ASPDH: variants seen among roughly 807,000 people sequenced by gnomAD.
ASPDH encodes aspartate dehydrogenase domain-containing protein.
ASPDH carries 25 observed loss-of-function variants against 30.5 expected under a neutral mutation model. The observed-to-expected ratio is 0.82, with a 90% confidence interval of 0.60 to 1.14. The LOEUF (loss-of-function observed/expected upper bound fraction) is 1.14. ASPDH is among the 50% of genes most tolerant of loss of function. The probability of loss-of-function intolerance (pLI) is 0.00; values close to 1 mark genes in which losing one functional copy is unlikely to be tolerated. For missense variants in ASPDH, 401 were observed against 381.5 expected (o/e 1.05, Z -0.43); for synonymous variants, 168 against 156.3 (o/e 1.07, Z -0.56).
Position 50,511,631 on chromosome 19 carries a change from G to T in ASPDH, c.*99C>A. On this transcript the variant is annotated 3_prime_UTR_variant, in exon 7 of 7. Coordinates refer to ENST00000389208, the MANE Select transcript of ASPDH (RefSeq NM_001114598.2). ...GGGAGGCAGCGGTGATCTTTACTGA[G>T]TCAGAAGGGAGACCCTGGGGAAGTG... 1.5e-6 allele frequency: 1 copy of T among 688,912 alleles called. No homozygotes were observed. The highest frequency in any genetic ancestry group is 2.2e-6 in the Non-Finnish European group (1 of 464,294). The allele number at this position is 688,912 out of a possible 1,614,324, so 42.7% of individuals were successfully genotyped here. A position where few individuals can be genotyped will look rare whatever the true frequency, so the allele number is the denominator to read the frequency against.
At chr19:50,513,967 G>A, upstream of ASPDH, 2 of 1,057,796 alleles carry the variant, frequency 1.9e-6, no homozygotes, top group East Asian at 2.7e-5. The surrounding 1 kb of genome is among the most constrained non-coding windows in gnomAD (Gnocchi z 4.9). Context: ...CCCAGCGTGG[G>A]GGCGTGGGCC....
Position 50,513,517 on chromosome 19 carries a change from G to A in ASPDH, c.53-101C>T, listed in dbSNP as rs533469897. The stretch of plus-strand genomic sequence containing the variant: ...CAGAGACCCAGAGAGAGAGGAGGTG[G>A]GGACAGACTCAGATTGCGGGGTAGG... On this transcript the variant is annotated intron_variant, in intron 1 of 6. Transcript: ENST00000389208. The surrounding 1 kb of genome is among the most constrained non-coding windows in gnomAD (Gnocchi z 4.9). 1.6e-6 allele frequency: 2 copies of A among 1,264,564 alleles called. No homozygotes were observed. Among genetic ancestry groups the A allele is most frequent in the Non-Finnish European group, 2.1e-6 (2 of 934,190 alleles). 78.3% of individuals were successfully genotyped at this position (1,264,564 alleles called of 1,614,324 possible). A position where few individuals can be genotyped will look rare whatever the true frequency, so the allele number is the denominator to read the frequency against.
At position 50,512,426 on chromosome 19, in the gene ASPDH, G is replaced by A. The variant is rs1979990756; in HGVS notation, c.587C>T (p.Ala196Val). 2 of 1,612,214 alleles carry A rather than the reference G, an allele frequency of 1.2e-6. No individual in the cohort carries two copies. Among genetic ancestry groups the A allele is most frequent in the South Asian group, 1.1e-5 (1 of 90,948 alleles). The stretch of plus-strand genomic sequence containing the variant: ...CAGGCTGGGGGCAGCCAGGGCAGCC[G>A]CCGCCATGGTGTTGGAATTTCGCGG... ...FAPRNSNTMA[A>V]AALAAPSLGF... is the part of the protein sequence containing the mutation. The change falls in exon 5 of 7, where the codon GCG becomes GTG. Residue 196 changes from alanine to valine, a missense_variant. By Grantham distance (64) the Ala-to-Val change is moderately conservative. Transcript: ENST00000389208.
rs748818731 is a variant in ASPDH at position 50,512,148 on chromosome 19, G to A, written c.796C>T (p.Gln266Ter). 3 of 1,564,068 alleles carry A rather than the reference G, an allele frequency of 1.9e-6. No homozygotes were observed. The highest frequency in any genetic ancestry group is 1.9e-4 in the Middle Eastern group (1 of 5,216). The change falls in exon 6 of 7, where the codon CAG becomes TAG. Residue 266 changes from glutamine to a stop codon, truncating the protein, a stop_gained. Coordinates refer to ENST00000389208, the MANE Select transcript of ASPDH (RefSeq NM_001114598.2). LOFTEE classifies it high-confidence loss of function. Reference sequence around the variant, plus strand: ...GGCCTGGCCGCACCCAGGAGGCTCTGCCAGAAGGCCGTGACGGTGGCGGAG... The same window carrying A: ...GGCCTGGCCGCACCCAGGAGGCTCTACCAGAAGGCCGTGACGGTGGCGGAG... ...TGSATVTAFW[Q>*]SLLACCQLPS...
rs566248729 is a variant in ASPDH at position 50,512,757 on chromosome 19, C to T, written c.336G>A (p.Glu112=). ...SDQTTERQLL[E]ASQHWDHAVF... is the part of the protein sequence containing the mutation. ...CGGCGTGGTCCCAGTGCTGTGAGGC[C>T]TCCAAGAGCTGCCGCTCTGTGGTCT... is the stretch of plus-strand genomic sequence containing the variant. The change falls in exon 4 of 7, where the codon GAG becomes GAA. Residue 112 remains glutamate (E), a synonymous_variant. Coordinates refer to ENST00000389208, the MANE Select transcript of ASPDH (RefSeq NM_001114598.2). The T allele has an allele frequency of 6.4e-6, 10 of 1,562,638 alleles. No individual in the cohort carries two copies. The highest frequency in any genetic ancestry group is 2.7e-5 in the African/African-American group (2 of 73,872).
At chr19:50,514,826 G>A (rs1980164458), upstream of ASPDH, 8 of 1,287,010 alleles carry the variant, frequency 6.2e-6, no homozygotes, top group Non-Finnish European at 7.9e-6. Flanking sequence ...GGCACTGGGT[G>A]GCGAGAGCCC....
chr19:50,512,650 G>A lies in ASPDH; in HGVS notation c.432+11C>T. 1 of 1,531,626 alleles carries A rather than the reference G, an allele frequency of 6.5e-7. No homozygotes were observed. Among genetic ancestry groups the A allele is most frequent in the African/African-American group, 1.4e-5 (1 of 72,880 alleles). The allele number at this position is 1,531,626 out of a possible 1,614,324, so 94.9% of individuals were successfully genotyped here. The stretch of plus-strand genomic sequence containing the variant: ...CCTCCCCTGGTTCCTGGGGAGCCCA[G>A]CAGGCCTCACCCGGAGGCCCCCAGC... On this transcript the variant is annotated intron_variant, in intron 4 of 6. Coordinates refer to ENST00000389208, the MANE Select transcript of ASPDH (RefSeq NM_001114598.2).
Position 50,513,556 on chromosome 19 carries a change from G to T in ASPDH, c.53-140C>A, listed in dbSNP as rs1340834118. 3.3e-6 allele frequency: 3 copies of T among 916,692 alleles called. No individual in the cohort carries two copies. The highest frequency in any genetic ancestry group is 4.9e-6 in the Non-Finnish European group (3 of 613,720). The allele number at this position is 916,692 out of a possible 1,614,324, so 56.8% of individuals were successfully genotyped here. On this transcript the variant is annotated intron_variant, in intron 1 of 6. Transcript: ENST00000389208. The surrounding 1 kb of genome is among the most constrained non-coding windows in gnomAD (Gnocchi z 4.9). ...TTGCGGGGTAGGGAGACAGAGATGG[G>T]GGCAGGGCAGAGACACAGTGGGGTG...
At position 50,513,858 on chromosome 19, in the gene ASPDH, G is replaced by A. The variant is rs2122737414; in HGVS notation, c.-35C>T. 1 of 1,544,648 alleles carries A rather than the reference G, an allele frequency of 6.5e-7. No homozygotes were observed. The highest frequency in any genetic ancestry group is 2.4e-5 in the East Asian group (1 of 40,832). On this transcript the variant is annotated 5_prime_UTR_variant, in exon 1 of 7. Transcript: ENST00000389208. This position sits in a 1 kb window ranked among gnomAD's most constrained non-coding sequence, Gnocchi z 4.9. ...TGCGGTGTCTGGGGCCTGGCTCCCT[G>A]GGCTGCTCGCTGCCCGCTGCACAAG...
upstream of ASPDH, chr19:50,514,345 G>A (rs753689458): frequency 6.2e-6 from 8 of 1,286,584 alleles, no homozygotes; most frequent in Non-Finnish European, 3.3e-6. Context: ...AGCCCTGGTT[G>A]TGGCTTCTCC....
At position 50,513,628 on chromosome 19, in the gene ASPDH, C is replaced by G. The variant is rs1416097783; in HGVS notation, c.52+144G>C. 2.6e-6 allele frequency: 2 copies of G among 773,496 alleles called. No individual in the cohort carries two copies. The highest frequency in any genetic ancestry group is 4.2e-6 in the Non-Finnish European group (2 of 470,674). The allele number at this position is 773,496 out of a possible 1,614,324, so 47.9% of individuals were successfully genotyped here. A position where few individuals can be genotyped will look rare whatever the true frequency, so the allele number is the denominator to read the frequency against. On this transcript the variant is annotated intron_variant, in intron 1 of 6. Coordinates refer to ENST00000389208, the MANE Select transcript of ASPDH (RefSeq NM_001114598.2). This position sits in a 1 kb window ranked among gnomAD's most constrained non-coding sequence, Gnocchi z 4.9. ...GAGACAGAGACGGAGAGGACAGAGA[C>G]CTGGGGTGGGGGTGCAGTGGGCAGA... is the stretch of plus-strand genomic sequence containing the variant.
At position 50,513,143 on chromosome 19, in the gene ASPDH, C is replaced by A; in HGVS notation, c.197+129G>T. On this transcript the variant is annotated intron_variant, in intron 2 of 6. Coordinates refer to ENST00000389208, the MANE Select transcript of ASPDH (RefSeq NM_001114598.2). This position sits in a 1 kb window ranked among gnomAD's most constrained non-coding sequence, Gnocchi z 4.9. Reference sequence around the variant, plus strand: ...GGAGGCGAAATGAGATGAATGGGTTCGTCCTGTTTCACATTTGCTTGAACC... The same window carrying A: ...GGAGGCGAAATGAGATGAATGGGTTAGTCCTGTTTCACATTTGCTTGAACC... The A allele has an allele frequency of 8.1e-7, 1 of 1,239,288 alleles. No homozygotes were observed. The highest frequency in any genetic ancestry group is 2.5e-5 in the East Asian group (1 of 40,324). 76.8% of individuals were successfully genotyped at this position (1,239,288 alleles called of 1,614,324 possible).
rs2122734712 is a variant in ASPDH, at chr19:50,513,204, C to T, written c.197+68G>A. Reference sequence around the variant, plus strand: ...GAGGGTCAGGGAACCCCTGAGATCACACAGTGGCTAAGAGAGCCAGGACAG... The same window carrying T: ...GAGGGTCAGGGAACCCCTGAGATCATACAGTGGCTAAGAGAGCCAGGACAG... On this transcript the variant is annotated intron_variant, in intron 2 of 6. Transcript: ENST00000389208. The surrounding 1 kb of genome is among the most constrained non-coding windows in gnomAD (Gnocchi z 4.9). 2.1e-6 allele frequency: 3 copies of T among 1,401,914 alleles called. No homozygotes were observed. The highest frequency in any genetic ancestry group is 2.8e-6 in the Non-Finnish European group (3 of 1,057,524). The allele number at this position is 1,401,914 out of a possible 1,614,324, so 86.8% of individuals were successfully genotyped here.
Position 50,512,186 on chromosome 19 carries a change from C to G in ASPDH, c.758G>C (p.Gly253Ala). Residue 253 changes from glycine (G) to alanine (A), a missense_variant, in exon 6 of 7, where the codon GGC (glycine) becomes GCC (alanine). Coordinates refer to ENST00000389208, the MANE Select transcript of ASPDH (RefSeq NM_001114598.2). The part of the protein sequence containing the change: ...HTRRENPAEP[G>A]AVTGSATVTA... Reference sequence around the variant, plus strand: ...GACGGTGGCGGAGCCGGTGACCGCGCCTGGCTCGGCAGGGTTCTCTCTGCG... The same window carrying G: ...GACGGTGGCGGAGCCGGTGACCGCGGCTGGCTCGGCAGGGTTCTCTCTGCG... 6.2e-7 allele frequency: 1 copy of G among 1,603,894 alleles called. No homozygotes were observed. The highest frequency in any genetic ancestry group is 8.5e-7 in the Non-Finnish European group (1 of 1,177,360).
chr19:50,512,770 C>G lies in ASPDH; in HGVS notation c.323G>C (p.Arg108Pro). 1.3e-6 allele frequency: 2 copies of G among 1,572,062 alleles called. No homozygotes were observed. Among genetic ancestry groups the G allele is most frequent in the South Asian group, 2.3e-5 (2 of 86,926 alleles). The change falls in exon 4 of 7, where the codon CGG (arginine) becomes CCG (proline). Residue 108 changes from arginine (R) to proline (P), a missense_variant. By Grantham distance (103) the Arg-to-Pro change is moderately radical. Coordinates refer to ENST00000389208, the MANE Select transcript of ASPDH (RefSeq NM_001114598.2). Reference protein sequence around the residue: ...PSALSDQTTERQLLEASQHWD... With the variant: ...PSALSDQTTEPQLLEASQHWD... The stretch of plus-strand genomic sequence containing the variant: ...GTGCTGTGAGGCCTCCAAGAGCTGC[C>G]GCTCTGTGGTCTGGTCACTTAGAGC...
chr19:50,514,263 T>C (rs1980131487), upstream of ASPDH, among the ~76,000 whole-genome samples: 1 of 152,108 alleles, frequency 6.6e-6, no homozygotes, highest in African/African-American at 2.4e-5. Flanking sequence ...CTCTCCTCCT[T>C]GTCCTCAGGC....
Position 50,512,236 on chromosome 19 carries a change from C to A in ASPDH, c.708G>T (p.Thr236=), listed in dbSNP as rs775678043. 3 of 1,612,358 alleles carry A rather than the reference C, an allele frequency of 1.9e-6. No homozygotes were observed. In the Admixed American group the frequency reaches 5.0e-5, roughly 27 times the overall value. Residue 236 remains threonine, a synonymous_variant, in exon 6 of 7, where the codon ACG becomes ACT. Transcript: ENST00000389208. ...GGGTGTGCACAGCAAAGCTTCGGCC[C>A]GTGGGGCCCCGGGGTCCGCTCAGCT... ...DVELSGPRGP[T]GRSFAVHTRR...
Position 50,511,608 on chromosome 19 carries a change from G to T in ASPDH, c.*122C>A, listed in dbSNP as rs1342118434. The T allele has an allele frequency of 1.9e-5, 10 of 517,506 alleles. No homozygotes were observed. The highest frequency in any genetic ancestry group is 2.9e-5 in the Non-Finnish European group (9 of 311,666). The allele number at this position is 517,506 out of a possible 1,614,324, so 32.1% of individuals were successfully genotyped here. On this transcript the variant is annotated 3_prime_UTR_variant, in exon 7 of 7. Coordinates refer to ENST00000389208, the MANE Select transcript of ASPDH (RefSeq NM_001114598.2). ...TCAGAGACGCCAGGCGGTGCGGGGG[G>T]AGGCAGCGGTGATCTTTACTGAGTC...
chr19:50,512,377 C>T lies in ASPDH; in HGVS notation c.636G>A (p.Val212=). Residue 212 remains valine, a synonymous_variant, in exon 5 of 7, where the codon GTG becomes GTA. Coordinates refer to ENST00000389208, the MANE Select transcript of ASPDH (RefSeq NM_001114598.2). The part of the protein sequence containing the change: ...PSLGFDGVIG[V]LVADTSLTDM... Reference sequence around the variant, plus strand: ...CTGCTCACCTGGTATCAGCCACGAGCACCCCAATCACCCCATCGAAGCCCA... The same window carrying T: ...CTGCTCACCTGGTATCAGCCACGAGTACCCCAATCACCCCATCGAAGCCCA... 1.2e-6 allele frequency: 2 copies of T among 1,613,898 alleles called. No individual in the cohort carries two copies. Among genetic ancestry groups the T allele is most frequent in the Non-Finnish European group, 1.7e-6 (2 of 1,179,972 alleles).
Sources: allele counts gnomAD v4.1 joint callset (sites outside exome capture counted in the v4.1 genomes callset), GRCh38; gene constraint gnomAD v4.1.1; non-coding constraint Gnocchi (gnomAD v3.1); transcripts MANE v1.5; gene names NCBI Gene and HGNC (gene_info 2026-07-23, HGNC 2026-07-21).